The following PPL variants were observed in gnomAD, a reference collection of about 807,000 sequenced individuals.
PPL encodes periplakin, also known as 190 kDa paraneoplastic pemphigus antigen.
Under a neutral mutation model 194.4 loss-of-function variants are expected in PPL, and 198 were observed. The observed-to-expected ratio is 1.02, with a 90% CI of 0.91 to 1.15. The LOEUF (loss-of-function observed/expected upper bound fraction) is 1.15. PPL is among the 50% of genes most tolerant of loss of function. The pLI is 0.00. For synonymous variants in PPL, 1,220 were observed against 972.4 expected, an observed-to-expected ratio of 1.25 and a Z score of -4.74; for missense variants, 2,885 against 2,294.8, an observed-to-expected ratio of 1.26 and a Z score of -5.25.
intron 20 of PPL, among the ~76,000 whole-genome samples, 189 bp downstream of exon 20, chr16:4,887,913 A>T (rs1490918985): frequency 1.3e-5 from 2 of 152,168 alleles, no homozygotes; most frequent in Non-Finnish European, 2.9e-5. Context: ...CTTTCTAGGC[A>T]TATTGATGTC....
At chr16:4,888,667 T>A (rs1462889406) in intron 19 of PPL, 1 of 405,684 alleles carries the variant, frequency 2.5e-6, no homozygotes, top group African/African-American at 2.0e-5. Flanking sequence ...CGTACTAGTT[T>A]TGCTATTGTA....
intron 1 of PPL, among the ~76,000 whole-genome samples, chr16:4,927,206 C>G (rs980968909): frequency 1.3e-5 from 2 of 152,154 alleles, no homozygotes; most frequent in African/African-American, 2.4e-5. Flanking sequence ...ATAAGACACA[C>G]ACACTTGAAA....
chr16:4,888,339 T>G, intron 19 of PPL, 121 bp from the exon 20 acceptor site: 1 of 687,242 alleles, frequency 1.5e-6, no homozygotes, highest in Non-Finnish European at 2.6e-6. Context: ...TTTTATAATC[T>G]GCGTGGGTCT....
intron 8 of PPL, among the ~76,000 whole-genome samples, chr16:4,898,203 C>T (rs2088472477): frequency 6.6e-6 from 1 of 152,146 alleles, no homozygotes; most frequent in East Asian, 1.9e-4. Context: ...CATGATGAGA[C>T]CCTGTCTCTA....
Position 4,897,820 on chromosome 16 carries a change from C to T in PPL, c.877-50G>A, listed in dbSNP as rs567530461. 66 of 1,474,134 alleles carry T rather than the reference C, an allele frequency of 4.5e-5. No homozygotes were observed. In the South Asian group the frequency reaches 5.7e-4, roughly 13 times the overall value. The allele number at this position is 1,474,134 out of a possible 1,614,324, so 91.3% of individuals were successfully genotyped here. On this transcript the variant is annotated intron_variant, in intron 8 of 21. Coordinates refer to ENST00000345988, the MANE Select transcript of PPL (RefSeq NM_002705.5). The stretch of plus-strand genomic sequence containing the variant: ...CACCACTGGGCAGGTACTGCAGACA[C>T]CAAGGGAGGGACTGCTGGGATATTG...
At position 4,883,007 on chromosome 16, in the gene PPL, C is replaced by G. The variant is rs758466137; in HGVS notation, c.*377G>C. The G allele has an allele frequency of 4.6e-5, 12 of 260,898 alleles. No individual in the cohort carries two copies. The highest frequency in any genetic ancestry group is 8.9e-5 in the Non-Finnish European group (12 of 134,256). 16.2% of individuals were successfully genotyped at this position (260,898 alleles called of 1,614,324 possible). A position where few individuals can be genotyped will look rare whatever the true frequency, so the allele number is the denominator to read the frequency against. On this transcript the variant is annotated 3_prime_UTR_variant, in exon 22 of 22. Transcript: ENST00000345988. The surrounding 1 kb of genome is among the most constrained non-coding windows in gnomAD (Gnocchi z 4.8). ...GGCAGTGTCACTGTCTGGTGTGCCA[C>G]CAGTACCCATGCTGCAAGGAGTGGG...
In PPL at chr16:4,887,194, A is replaced by G. The variant is rs751940401; in HGVS notation, c.2548T>C (p.Tyr850His). 2 of 1,614,178 alleles carry G rather than the reference A, an allele frequency of 1.2e-6. No homozygotes were observed. Among genetic ancestry groups the G allele is most frequent in the South Asian group, 2.2e-5 (2 of 91,086 alleles). The change falls in exon 21 of 22, where the codon TAT becomes CAT. Residue 850 changes from tyrosine to histidine, a missense_variant. Tyr to His is a moderately conservative substitution (Grantham distance 83, BLOSUM62 2). Coordinates refer to ENST00000345988, the MANE Select transcript of PPL (RefSeq NM_002705.5). The part of the protein sequence containing the change: ...AALAAKFTEV[Y>H]AINRQRLQNL... ...TGCAGCCTCTGTCTGTTGATGGCAT[A>G]AACTTCAGTGAACTTGGCGGCAAGT...
chr16:4,896,017 T>C lies in PPL; in HGVS notation c.973-301A>G, dbSNP rs557642545. On this transcript the variant is annotated intron_variant, in intron 9 of 21. Coordinates refer to ENST00000345988, the MANE Select transcript of PPL (RefSeq NM_002705.5). ...AAGTCTTGAGGTGTCTTTGATTCAG[T>C]TCCTCTCTCTGTACTAGGAACATCC... 8.5e-5 allele frequency among the ~76,000 whole-genome samples: 13 copies of C among 152,374 alleles called. No homozygotes were observed. The South Asian group carries it at 2.5e-3, about 29-fold the overall frequency.
intron 1 of PPL, among the ~76,000 whole-genome samples, chr16:4,922,577 G>A (rs1008174808): frequency 3.3e-5 from 5 of 152,144 alleles, no homozygotes; most frequent in African/African-American, 7.2e-5. Context: ...CAGGAGAATC[G>A]CTTGAGCCTG....
rs1294523938 is a variant in PPL, at chr16:4,887,195, A to C, written c.2547T>G (p.Val849=). The change falls in exon 21 of 22, where the codon GTT becomes GTG. Residue 849 remains valine, a synonymous_variant. Transcript: ENST00000345988. ...EAALAAKFTE[V]YAINRQRLQN... ...GCAGCCTCTGTCTGTTGATGGCATA[A>C]ACTTCAGTGAACTTGGCGGCAAGTG... The C allele has an allele frequency of 6.2e-7, 1 of 1,614,140 alleles. No homozygotes were observed. The highest frequency in any genetic ancestry group is 8.5e-7 in the Non-Finnish European group (1 of 1,179,980).
Position 4,884,548 on chromosome 16 carries a change from G to GGCAAAGGCA in PPL, c.4106_4107insTGCCTTTGC (p.Ala1370_Ala1372dup), listed in dbSNP as rs1567983029. The stretch of plus-strand genomic sequence containing the variant: ...CCACATCGATGCTCTCGGCAAAGGC[G>GGCAAAGGCA]CTCGCCTCGGCCCGCAGGCCTGGCT... On this transcript the variant is annotated inframe_insertion, in exon 22 of 22. Coordinates refer to ENST00000345988, the MANE Select transcript of PPL (RefSeq NM_002705.5). The surrounding 1 kb of genome is among the most constrained non-coding windows in gnomAD (Gnocchi z 5.7). The GGCAAAGGCA allele has an allele frequency of 1.2e-6, 2 of 1,612,842 alleles. No homozygotes were observed. The highest frequency in any genetic ancestry group is 2.2e-5 in the South Asian group (2 of 91,044).
In PPL at chr16:4,883,547, G is replaced by A. The variant is rs750057645; in HGVS notation, c.5108C>T (p.Pro1703Leu). 5.0e-6 allele frequency: 8 copies of A among 1,614,086 alleles called. No homozygotes were observed. The highest frequency in any genetic ancestry group is 3.3e-5 in the Admixed American group (2 of 60,016). Residue 1703 changes from proline to leucine, a missense_variant, in exon 22 of 22, where the codon CCC becomes CTC. Pro to Leu is a moderately conservative substitution (Grantham distance 98). Coordinates refer to ENST00000345988, the MANE Select transcript of PPL (RefSeq NM_002705.5). The surrounding 1 kb of genome is among the most constrained non-coding windows in gnomAD (Gnocchi z 4.8). ...GTGTATCACTGAGGACTCCCCATTGGGACCCTTCACTGAGATCTCCTCCCA... is the reference window on the plus strand; with the variant it reads ...GTGTATCACTGAGGACTCCCCATTGAGACCCTTCACTGAGATCTCCTCCCA... The part of the protein sequence containing the change: ...CDWEEISVKG[P>L]NGESSVIHDR...
intron 1 of PPL, among the ~76,000 whole-genome samples, chr16:4,931,539 G>A (rs902052280): frequency 6.6e-6 from 1 of 152,166 alleles, no homozygotes; most frequent in Non-Finnish European, 1.5e-5. Flanking sequence ...AAGACCAGAG[G>A]CCGTTTCCCC....
Position 4,884,539 on chromosome 16 carries a change from G to A in PPL, c.4116C>T (p.Ala1372=), listed in dbSNP as rs1179098036. Residue 1372 remains alanine, a synonymous_variant, in exon 22 of 22, where the codon GCC becomes GCT. Transcript: ENST00000345988. This position sits in a 1 kb window ranked among gnomAD's most constrained non-coding sequence, Gnocchi z 5.7. ...PGLRAEASAF[A]ESIDVELRQI... ...GCCGCAGCTCCACATCGATGCTCTC[G>A]GCAAAGGCGCTCGCCTCGGCCCGCA... 22 of 1,612,914 alleles carry A rather than the reference G, an allele frequency of 1.4e-5. No homozygotes were observed. Among genetic ancestry groups the A allele is most frequent in the Non-Finnish European group, 1.4e-5 (17 of 1,179,842 alleles).
At chr16:4,925,491 C>T (rs1168788016) in intron 1 of PPL, among the ~76,000 whole-genome samples, 2 of 152,224 alleles carry the variant, frequency 1.3e-5, no homozygotes, top group Non-Finnish European at 2.9e-5. Flanking sequence ...CTTAGTGTTA[C>T]TGGGGCTCTT....
chr16:4,905,449 G>A (rs542545315), intron 2 of PPL, among the ~76,000 whole-genome samples: 4 of 152,064 alleles, frequency 2.6e-5, no homozygotes, highest in Non-Finnish European at 4.4e-5. Context: ...CTGGGAAGAG[G>A]CATTAACAGT....
intron 12 of PPL, among the ~76,000 whole-genome samples, 153 bp downstream of exon 12, chr16:4,894,314 T>C (rs1015299928): frequency 6.6e-6 from 1 of 152,164 alleles, no homozygotes; most frequent in Admixed American, 6.5e-5. Flanking sequence ...TCTGCCCCTC[T>C]CCTGCATGAA....
Position 4,884,773 on chromosome 16 carries a change from C to T in PPL, c.3882G>A (p.Glu1294=), listed in dbSNP as rs778137254. 2.0e-5 allele frequency: 33 copies of T among 1,614,028 alleles called. No homozygotes were observed. The African/African-American group carries it at 4.4e-4, about 22-fold the overall frequency. Residue 1294 remains glutamate, a synonymous_variant, in exon 22 of 22, where the codon GAG becomes GAA. Coordinates refer to ENST00000345988, the MANE Select transcript of PPL (RefSeq NM_002705.5). The surrounding 1 kb of genome is among the most constrained non-coding windows in gnomAD (Gnocchi z 5.7). ...PQVQTKEVVQ[E]ILQFQEDPQT... Reference sequence around the variant, plus strand: ...GAGGGTCTTCTTGGAATTGGAGGATCTCCTGGACCACCTCTTTGGTCTGGA... The same window carrying T: ...GAGGGTCTTCTTGGAATTGGAGGATTTCCTGGACCACCTCTTTGGTCTGGA...
intron 20 of PPL, among the ~76,000 whole-genome samples, 158 bp from the exon 21 acceptor site, chr16:4,887,385 C>T (rs2088236468): frequency 1.3e-5 from 2 of 152,198 alleles, no homozygotes; most frequent in Admixed American, 6.5e-5. Flanking sequence ...ACTGTAGCCT[C>T]ACCGGTGGAG....
Sources: gnomAD v4.1 joint callset for allele counts (sites outside exome capture counted in the v4.1 genomes callset) on GRCh38, gnomAD v4.1.1 for gene constraint, Gnocchi (gnomAD v3.1) non-coding constraint, MANE v1.5 for transcripts, NCBI Gene and HGNC (gene_info 2026-07-23, HGNC 2026-07-21) for gene names.